TOX: variants seen among roughly 807,000 people sequenced by gnomAD.
TOX encodes thymocyte selection associated high mobility group box.
In TOX, 11 loss-of-function variants were observed where a neutral mutation model predicts 53.7. The observed-to-expected ratio is 0.20, with a 90% confidence interval of 0.13 to 0.34. The LOEUF (loss-of-function observed/expected upper bound fraction) is 0.34. TOX is among the 10% of genes least tolerant of loss of function. The probability of loss-of-function intolerance (pLI) is 1.00; values close to 1 mark genes in which losing one functional copy is unlikely to be tolerated. For synonymous variants in TOX, 225 were observed against 245.3 expected (o/e 0.92, Z 0.77); for missense variants, 570 against 664.6 (o/e 0.86, Z 1.56).
chr8:58,809,107 T>A (rs1810036898), intron 7 of TOX, among the ~76,000 whole-genome samples: 1 of 152,222 alleles, frequency 6.6e-6, no homozygotes, highest in Non-Finnish European at 1.5e-5. Flanking sequence ...TAAGATTTAT[T>A]TTTAGCTTCT....
chr8:59,020,849 G>A (rs537331844), intron 1 of TOX, among the ~76,000 whole-genome samples: 24 of 152,028 alleles, frequency 1.6e-4, no homozygotes, highest in Non-Finnish European at 2.4e-4. Context: ...ATAGAATATA[G>A]TTTAGGCAAT....
chr8:58,813,763 G>C (rs1810124243), intron 7 of TOX, among the ~76,000 whole-genome samples: 1 of 152,194 alleles, frequency 6.6e-6, no homozygotes, highest in Non-Finnish European at 1.5e-5. Context: ...GACCAAGAAA[G>C]ACTTCAGTAA....
intron 1 of TOX, among the ~76,000 whole-genome samples, chr8:58,984,180 A>T (rs1813279217): frequency 6.6e-6 from 1 of 152,248 alleles, no homozygotes; most frequent in Non-Finnish European, 1.5e-5. Flanking sequence ...CTAAATCGAC[A>T]TTAAAACTTT....
chr8:59,114,729 T>A (rs426824), intron 1 of TOX, among the ~76,000 whole-genome samples: 21,520 of 152,174 alleles, frequency 0.14, 1,911 homozygotes, highest in African/African-American at 0.25. Context: ...CTTCCTCCCA[T>A]CTTTTCCTTT....
chr8:58,849,083 T>G (rs756229594), intron 4 of TOX, among the ~76,000 whole-genome samples: 1 of 152,150 alleles, frequency 6.6e-6, no homozygotes, highest in Non-Finnish European at 1.5e-5. Flanking sequence ...TTAACTGTAA[T>G]GAAGAATGCT....
At chr8:58,922,417 C>T (rs1812089080) in intron 3 of TOX, among the ~76,000 whole-genome samples, 1 of 152,220 alleles carries the variant, frequency 6.6e-6, no homozygotes, top group Non-Finnish European at 1.5e-5. Context: ...AACTCCTCCA[C>T]CTGCTTCTAT....
In TOX at chr8:58,951,977, G is replaced by C. The variant is rs181186470; in HGVS notation, c.168+7966C>G. On this transcript the variant is annotated intron_variant, in intron 2 of 8. Transcript: ENST00000361421. Reference sequence around the variant, plus strand: ...TAGATCAGAAAGAACACAGGAGAAAGAAAAAATACAGATATGGACGAAGAT... The same window carrying C: ...TAGATCAGAAAGAACACAGGAGAAACAAAAAATACAGATATGGACGAAGAT... Among the ~76,000 whole-genome samples the C allele has an allele frequency of 7.5e-4, 114 of 152,238 alleles. 1 individual carries two copies. The highest frequency in any genetic ancestry group is 3.4e-3 in the Middle Eastern group (1 of 294).
chr8:58,943,312 C>T (rs1017462687), intron 2 of TOX, among the ~76,000 whole-genome samples: 1 of 152,092 alleles, frequency 6.6e-6, no homozygotes, highest in Admixed American at 6.5e-5. Flanking sequence ...CATGCCTGGC[C>T]AGAAGAGAAG....
chr8:59,044,475 A>G (rs757233089), intron 1 of TOX, among the ~76,000 whole-genome samples: 7 of 152,210 alleles, frequency 4.6e-5, no homozygotes, highest in Non-Finnish European at 1.0e-4. Context: ...TCCACAGGCT[A>G]CGATGATGCC....
chr8:58,998,535 A>AAATTTATATATAATAAATTTATGT, intron 1 of TOX, among the ~76,000 whole-genome samples: 1 of 12,282 alleles, frequency 8.1e-5, no homozygotes, highest in South Asian at 3.0e-3. Context: ...ATATATATAT[A>AAATTTATATATAATAAATTTATGT]TATAAATTTA....
chr8:59,048,021 G>C (rs1803720864), intron 1 of TOX, among the ~76,000 whole-genome samples: 1 of 152,090 alleles, frequency 6.6e-6, no homozygotes, highest in Non-Finnish European at 1.5e-5. Context: ...TTATAGTAAT[G>C]TACCTTCAGG....
intron 3 of TOX, among the ~76,000 whole-genome samples, chr8:58,868,028 T>A (rs1811132362): frequency 6.6e-6 from 1 of 152,060 alleles, no homozygotes; most frequent in Non-Finnish European, 1.5e-5. Flanking sequence ...AATCCCCACA[T>A]GTCATGGGAG....
intron 3 of TOX, among the ~76,000 whole-genome samples, chr8:58,925,266 A>G (rs189591405): frequency 1.6e-4 from 25 of 152,370 alleles, no homozygotes; most frequent in East Asian, 1.2e-3. Context: ...TGTCAGTTAC[A>G]GTATAAAAAT....
chr8:59,109,781 C>T (rs770182921), intron 1 of TOX, among the ~76,000 whole-genome samples: 1 of 152,072 alleles, frequency 6.6e-6, no homozygotes, highest in African/African-American at 2.4e-5. Flanking sequence ...GGCTGGTAAT[C>T]GCCGACGAAA....
chr8:59,092,230 C>A, intron 1 of TOX, among the ~76,000 whole-genome samples: 1 of 115,546 alleles, frequency 8.7e-6, no homozygotes, highest in Non-Finnish European at 1.6e-5. Context: ...CCAGCCTGGG[C>A]GAAAGAGCAA....
At chr8:59,059,209 A>G (rs908867925) in intron 1 of TOX, among the ~76,000 whole-genome samples, 12 of 152,196 alleles carry the variant, frequency 7.9e-5, no homozygotes, top group African/African-American at 2.2e-4. Context: ...TATAAAAAGA[A>G]TTTCAAAAAA....
intron 3 of TOX, among the ~76,000 whole-genome samples, chr8:58,881,723 CAAAAAAA>C (rs11316154): frequency 1.2e-5 from 1 of 82,524 alleles, no homozygotes; most frequent in Admixed American, 1.4e-4. Context: ...GATTCCATCT[CAAAAAAA>C]AAAAAAAAAA....
chr8:58,956,026 C>T (rs554304005), intron 2 of TOX, among the ~76,000 whole-genome samples: 31 of 152,122 alleles, frequency 2.0e-4, no homozygotes, highest in African/African-American at 5.8e-4. Flanking sequence ...TGAGCAACCA[C>T]GCCCGGCAGA....
At chr8:58,904,456 C>T (rs1418745750) in intron 3 of TOX, among the ~76,000 whole-genome samples, 1 of 152,126 alleles carries the variant, frequency 6.6e-6, no homozygotes, top group Non-Finnish European at 1.5e-5. Flanking sequence ...TATTCTACCT[C>T]CACAGCCTAT....
Sources: gnomAD v4.1 joint callset for allele counts (sites outside exome capture counted in the v4.1 genomes callset) on GRCh38, gnomAD v4.1.1 for gene constraint, MANE v1.5 for transcripts, NCBI Gene and HGNC (gene_info 2026-07-23, HGNC 2026-07-21) for gene names.